HIVEP2: variants seen among roughly 807,000 people sequenced by gnomAD.
HIVEP2 encodes the protein HIVEP zinc finger 2.
In HIVEP2, 14 loss-of-function variants were observed where a neutral mutation model predicts 180.7. The observed-to-expected ratio is 0.08, with a 90% confidence interval of 0.05 to 0.12. The LOEUF is 0.12. Among genes scored for constraint, HIVEP2 ranks in the 10% least tolerant of loss-of-function variants. The probability of loss-of-function intolerance (pLI) is 1.00; values close to 1 mark genes in which losing one functional copy is unlikely to be tolerated. For missense variants in HIVEP2, 2,579 were observed against 3,008.5 expected, an observed-to-expected ratio of 0.86 and a Z score of 3.34; for synonymous variants, 1,184 against 1,136.4, an observed-to-expected ratio of 1.04 and a Z score of -0.84.
chr6:142,838,194 T>C (rs543928946), intron 1 of HIVEP2, among the ~76,000 whole-genome samples: 1 of 152,232 alleles, frequency 6.6e-6, no homozygotes, highest in South Asian at 2.1e-4. Flanking sequence ...TAGCAGTAAC[T>C]ATACATACTA....
chr6:142,871,676 C>T (rs1338107296), intron 1 of HIVEP2, among the ~76,000 whole-genome samples: 5 of 151,838 alleles, frequency 3.3e-5, no homozygotes, highest in Non-Finnish European at 7.4e-5. Context: ...CATTAATACC[C>T]TATTTGGCCC....
At position 142,774,781 on chromosome 6, in the gene HIVEP2, T is replaced by G. The variant is rs1306121265; in HGVS notation, c.-43A>C. 1 of 1,589,728 alleles carries G rather than the reference T, an allele frequency of 6.3e-7. No individual in the cohort carries two copies. The highest frequency in any genetic ancestry group is 1.7e-5 in the Admixed American group (1 of 58,398). ...TAAGTGCTAGTTCCCCTGAAAGCAG[T>G]GCAGACTCATGGAGTGTCTCCAAAG... On this transcript the variant is annotated 5_prime_UTR_variant, in exon 5 of 10. Coordinates refer to ENST00000367603, the MANE Select transcript of HIVEP2 (RefSeq NM_006734.4). This position sits in a 1 kb window ranked among gnomAD's most constrained non-coding sequence, Gnocchi z 5.1.
At position 142,764,824 on chromosome 6, in the gene HIVEP2, T is replaced by C; in HGVS notation, c.5493A>G (p.Leu1831=). The stretch of plus-strand genomic sequence containing the variant: ...CTTTCGTTTTGAAGGCAAAGTTACA[T>C]AACTTGCATACATAAGGCCGAACAT... ...HTDVRPYVCK[L]CNFAFKTKGN... is the part of the protein sequence containing the mutation. Residue 1831 remains leucine, a synonymous_variant, in exon 7 of 10, where the codon TTA becomes TTG. Transcript: ENST00000367603. 1 of 1,613,828 alleles carries C rather than the reference T, an allele frequency of 6.2e-7. No individual in the cohort carries two copies. Among genetic ancestry groups the C allele is most frequent in the Non-Finnish European group, 8.5e-7 (1 of 1,179,846 alleles).
At chr6:142,818,387 G>A (rs189610381) in intron 2 of HIVEP2, among the ~76,000 whole-genome samples, 72 of 152,224 alleles carry the variant, frequency 4.7e-4, no homozygotes, top group Admixed American at 2.0e-3. Context: ...CCCATACAAC[G>A]CTTTTAAAGC....
chr6:142,772,285 C>T lies in HIVEP2; in HGVS notation c.2454G>A (p.Glu818=). Reference sequence around the variant, plus strand: ...GTGTGCAAGCCACAAGTTCGGCTGACTCAGACCTTTCAAATGAATTGGGTC... The same window carrying T: ...GTGTGCAAGCCACAAGTTCGGCTGATTCAGACCTTTCAAATGAATTGGGTC... ...LSRPNSFERS[E]SAELVACTQD... is the part of the protein sequence containing the mutation. The change falls in exon 5 of 10, where the codon GAG becomes GAA. Residue 818 remains glutamate (E), a synonymous_variant. Transcript: ENST00000367603. This position sits in a 1 kb window ranked among gnomAD's most constrained non-coding sequence, Gnocchi z 4.9. The T allele has an allele frequency of 6.2e-7, 1 of 1,614,244 alleles. No homozygotes were observed. Among genetic ancestry groups the T allele is most frequent in the Non-Finnish European group, 8.5e-7 (1 of 1,180,044 alleles).
At chr6:142,896,516 G>A (rs1776998864) in intron 1 of HIVEP2, among the ~76,000 whole-genome samples, 1 of 152,072 alleles carries the variant, frequency 6.6e-6, no homozygotes. Context: ...CTGAATGTCG[G>A]CCTCTCATTC....
At chr6:142,763,416 T>C (rs1775302476) in intron 7 of HIVEP2, among the ~76,000 whole-genome samples, 1 of 152,208 alleles carries the variant, frequency 6.6e-6, no homozygotes, top group African/African-American at 2.4e-5. Flanking sequence ...GATGTTTTGC[T>C]CATTTTAAGA....
intron 2 of HIVEP2, among the ~76,000 whole-genome samples, chr6:142,816,629 C>A (rs547654524): frequency 2.6e-5 from 4 of 152,184 alleles, no homozygotes; most frequent in African/African-American, 9.7e-5. Context: ...GTTTTCCCCA[C>A]ACAAATGTGC....
At chr6:142,877,751 C>T (rs991590161) in intron 1 of HIVEP2, among the ~76,000 whole-genome samples, 10 of 152,322 alleles carry the variant, frequency 6.6e-5, no homozygotes, top group Middle Eastern at 3.4e-3. Context: ...AGATCACAGC[C>T]TCCTGAGAAA....
At chr6:142,848,203 G>A (rs1775563810) in intron 1 of HIVEP2, among the ~76,000 whole-genome samples, 2 of 152,172 alleles carry the variant, frequency 1.3e-5, no homozygotes, top group Non-Finnish European at 2.9e-5. Context: ...CTTAATATTA[G>A]TGGATTTAGA....
chr6:142,927,139 C>T (rs1054075691), intron 1 of HIVEP2, among the ~76,000 whole-genome samples: 5 of 152,056 alleles, frequency 3.3e-5, no homozygotes, highest in Non-Finnish European at 7.4e-5. Flanking sequence ...GCTGCTCTTC[C>T]TCCCGGAGGA....
At chr6:142,903,607 A>T (rs1777186820) in intron 1 of HIVEP2, among the ~76,000 whole-genome samples, 1 of 152,238 alleles carries the variant, frequency 6.6e-6, no homozygotes, top group African/African-American at 2.4e-5. Context: ...AGTACCATAT[A>T]TGCATATATA....
rs9403412 is a variant in HIVEP2 at position 142,896,184 on chromosome 6, T to C, written c.-641+48915A>G. Reference sequence around the variant, plus strand: ...TCTAAGAGAGGCTAATATAGTCAATTGTGTCACATCACCTACCTTCCTAAT... The same window carrying C: ...TCTAAGAGAGGCTAATATAGTCAATCGTGTCACATCACCTACCTTCCTAAT... On this transcript the variant is annotated intron_variant, in intron 1 of 9. Transcript: ENST00000367603. Among the ~76,000 whole-genome samples the C allele has an allele frequency of 9.0e-3, 1,368 of 152,304 alleles. 82 individuals are homozygous for C. In the East Asian group the frequency reaches 0.17, roughly 19 times the overall value.
At chr6:142,764,447 C>A (rs190175441) in intron 7 of HIVEP2, among the ~76,000 whole-genome samples, 1 of 152,314 alleles carries the variant, frequency 6.6e-6, no homozygotes, top group Admixed American at 6.5e-5. Context: ...TGCTGCCTTG[C>A]TTCTCTAATA....
chr6:142,778,862 CACTTA>C (rs753538371), intron 3 of HIVEP2, among the ~76,000 whole-genome samples: 20 of 152,014 alleles, frequency 1.3e-4, no homozygotes, highest in African/African-American at 4.6e-4. Context: ...TAAATATTTC[CACTTA>C]ACTTTAATAT....
chr6:142,796,279 G>T (rs770957158), intron 2 of HIVEP2, among the ~76,000 whole-genome samples: 7 of 152,046 alleles, frequency 4.6e-5, no homozygotes, highest in Non-Finnish European at 1.0e-4. Flanking sequence ...CAGGGGTTAG[G>T]ATGTTGATCT....
chr6:142,907,645 G>C (rs957394708), intron 1 of HIVEP2, among the ~76,000 whole-genome samples: 3 of 152,084 alleles, frequency 2.0e-5, no homozygotes, highest in Non-Finnish European at 4.4e-5. Context: ...TGGGGCTCTC[G>C]ATTCATGGAG....
intron 1 of HIVEP2, among the ~76,000 whole-genome samples, chr6:142,879,270 G>C (rs1021669754): frequency 6.6e-6 from 1 of 152,130 alleles, no homozygotes; most frequent in African/African-American, 2.4e-5. Flanking sequence ...CACAAACAGA[G>C]TAATTTGAGT....
chr6:142,897,992 G>A (rs1263429428), intron 1 of HIVEP2, among the ~76,000 whole-genome samples: 1 of 152,128 alleles, frequency 6.6e-6, no homozygotes, highest in Non-Finnish European at 1.5e-5. Flanking sequence ...AATGATTCTG[G>A]ATGAGTGAAC....
Sources: allele counts gnomAD v4.1 joint callset (sites outside exome capture counted in the v4.1 genomes callset), GRCh38; gene constraint gnomAD v4.1.1; non-coding constraint Gnocchi (gnomAD v3.1); transcripts MANE v1.5; gene names NCBI Gene and HGNC (gene_info 2026-07-23, HGNC 2026-07-21).